FAT1: variants seen among roughly 807,000 people sequenced by gnomAD.
FAT1 encodes FAT atypical cadherin 1.
Under a neutral mutation model 329.8 loss-of-function variants are expected in FAT1, and 171 were observed. That is an observed-to-expected ratio of 0.52 (90% confidence interval 0.46 to 0.59). The LOEUF (loss-of-function observed/expected upper bound fraction) is 0.59, where lower values mean the gene tolerates loss of function less well. FAT1 is among the 20% of genes least tolerant of loss of function. The probability of loss-of-function intolerance (pLI) is 0.00; values close to 1 mark genes in which losing one functional copy is unlikely to be tolerated. For synonymous variants in FAT1, 2,233 were observed against 2,228.6 expected (o/e 1.00, Z -0.06); for missense variants, 5,672 against 5,774.4 (o/e 0.98, Z 0.57).
At chr4:186,629,336 A>G (rs1740477244) in intron 7 of FAT1, among the ~76,000 whole-genome samples, 1 of 152,210 alleles carries the variant, frequency 6.6e-6, no homozygotes, top group Non-Finnish European at 1.5e-5. Flanking sequence ...TGTAGTAAAT[A>G]TGTTTACTCC....
At position 186,613,238 on chromosome 4, in the gene FAT1, C is replaced by A. The variant is rs1178906655; in HGVS notation, c.9334G>T (p.Val3112Leu). 1 of 1,613,900 alleles carries A rather than the reference C, an allele frequency of 6.2e-7. No individual in the cohort carries two copies. Residue 3112 changes from valine (V) to leucine (L), a missense_variant, in exon 13 of 27, where the codon GTG becomes TTG. By Grantham distance (32) the Val-to-Leu change is conservative. Coordinates refer to ENST00000441802, the MANE Select transcript of FAT1 (RefSeq NM_005245.4). ...GGGRFCQASI[V>L]LTLEDVNDNA... ...TCGTTCACATCTTCTAGCGTGAGCACAATACTGGCTTGGCAGAATCTTCCT... is the reference window on the plus strand; with the variant it reads ...TCGTTCACATCTTCTAGCGTGAGCAAAATACTGGCTTGGCAGAATCTTCCT...
intron 2 of FAT1, among the ~76,000 whole-genome samples, chr4:186,701,518 G>A (rs762532449): frequency 5.9e-5 from 9 of 152,220 alleles, no homozygotes; most frequent in South Asian, 4.1e-4. Context: ...ACTCTCTGCC[G>A]GGCCTCCCAC....
chr4:186,614,202 T>C lies in FAT1; in HGVS notation c.9218A>G (p.Asn3073Ser). The C allele has an allele frequency of 6.3e-7, 1 of 1,599,730 alleles. No homozygotes were observed. The highest frequency in any genetic ancestry group is 8.5e-7 in the Non-Finnish European group (1 of 1,175,684). Residue 3073 changes from asparagine to serine, a missense_variant, in exon 12 of 27, where the codon AAT becomes AGT. Around this residue, in one of 2 missense-constraint regions of FAT1, gnomAD observed 3,966 missense variants for 3,915.2 expected, o/e 1.01. Transcript: ENST00000441802. ...LGSGAEKFKL[N>S]PDTGELKTST... ...AACTCCATCATTACCTGTGTCTGGA[T>C]TTAGTTTGAATTTTTCTGCACCTGA...
chr4:186,588,855 G>GACAT lies in FAT1; in HGVS notation c.13503_13504insATGT (p.Gln4502MetfsTer8). 6.2e-7 allele frequency: 1 copy of GACAT among 1,613,990 alleles called. No individual in the cohort carries two copies. The highest frequency in any genetic ancestry group is 8.5e-7 in the Non-Finnish European group (1 of 1,179,880). ...CTATTCTCACCAGTGCCTTTTGTTTGAGGTTCAGACATATCGAGGGGATAA... is the reference window on the plus strand; with the variant it reads ...CTATTCTCACCAGTGCCTTTTGTTTGACATAGGTTCAGACATATCGAGGGGATAA... On this transcript the variant is annotated frameshift_variant, in exon 27 of 27. Transcript: ENST00000441802. LOFTEE classifies it high-confidence loss of function.
chr4:186,667,146 T>C (rs1742481055), intron 2 of FAT1, among the ~76,000 whole-genome samples: 2 of 152,200 alleles, frequency 1.3e-5, no homozygotes, highest in East Asian at 1.9e-4. Flanking sequence ...CATCTGAGGT[T>C]TGCAATTACA....
intron 2 of FAT1, among the ~76,000 whole-genome samples, chr4:186,693,587 A>C (rs942374840): frequency 2.6e-5 from 3 of 115,844 alleles, no homozygotes; most frequent in Non-Finnish European, 5.4e-5. Context: ...CCTCGAGCTC[A>C]ACAGCAACTG....
chr4:186,652,416 A>G (rs886198618), intron 3 of FAT1, among the ~76,000 whole-genome samples: 8 of 152,230 alleles, frequency 5.3e-5, no homozygotes, highest in African/African-American at 1.9e-4. Context: ...AATTTATCAC[A>G]AAGATTCAAG....
In FAT1 at chr4:186,618,969, T is replaced by A. The variant is rs771539802; in HGVS notation, c.7617A>T (p.Arg2539Ser). 1.9e-6 allele frequency: 3 copies of A among 1,613,866 alleles called. No individual in the cohort carries two copies. The highest frequency in any genetic ancestry group is 2.7e-5 in the African/African-American group (2 of 74,940). ...YHIVNDFAKD[R>S]FYINERGQIF... ...TCTGTCCTCTCTCATTTATGTAAAA[T>A]CTGTCTTTGGCAAAGTCATTTACAA... The change falls in exon 10 of 27, where the codon AGA (arginine) becomes AGT (serine). Residue 2539 changes from arginine (R) to serine (S), a missense_variant. Around this residue, in one of 2 missense-constraint regions of FAT1, gnomAD observed 3,966 missense variants for 3,915.2 expected, o/e 1.01. Transcript: ENST00000441802.
At chr4:186,623,566 A>G (rs999465890) in intron 9 of FAT1, among the ~76,000 whole-genome samples, 1 of 152,192 alleles carries the variant, frequency 6.6e-6, no homozygotes, top group Non-Finnish European at 1.5e-5. Flanking sequence ...TTGCCGATGA[A>G]GCTTCAAATA....
intron 3 of FAT1, among the ~76,000 whole-genome samples, chr4:186,661,023 G>T (rs903069080): frequency 9.2e-5 from 14 of 152,190 alleles, no homozygotes; most frequent in African/African-American, 3.4e-4. Context: ...GAAGACACAA[G>T]AAAATTGAAA....
chr4:186,723,484 T>C (rs1561023313), intron 1 of FAT1, among the ~76,000 whole-genome samples, 180 bp downstream of exon 1: 4 of 152,136 alleles, frequency 2.6e-5, no homozygotes, highest in Non-Finnish European at 5.9e-5. Context: ...CCCTAGCCAG[T>C]GCTGAATTTC....
In FAT1 at chr4:186,706,799, A is replaced by G. The variant is rs762688063; in HGVS notation, c.3029T>C (p.Val1010Ala). 1.1e-5 allele frequency: 18 copies of G among 1,613,834 alleles called. No individual in the cohort carries two copies. Among genetic ancestry groups the G allele is most frequent in the Middle Eastern group, 1.6e-4 (1 of 6,084 alleles). The stretch of plus-strand genomic sequence containing the variant: ...AACATAGCAAGTAGAAGACAGAGAA[A>G]CTGGCTTTCCCTTGTCTTTGGCCCT... ...TVRAKDKGKP[V>A]SLSSTCYVEV... Residue 1010 changes from valine to alanine, a missense_variant, in exon 2 of 27, where the codon GTT becomes GCT. Physicochemically the swap from Val to Ala is moderately conservative, Grantham distance 64. Transcript: ENST00000441802.
At chr4:186,696,236 T>C (rs939911269) in intron 2 of FAT1, among the ~76,000 whole-genome samples, 1 of 152,244 alleles carries the variant, frequency 6.6e-6, no homozygotes, top group Non-Finnish European at 1.5e-5. Flanking sequence ...ATGTTCATAC[T>C]TTCCTAATCA....
chr4:186,688,466 G>T (rs1743584105), intron 2 of FAT1, among the ~76,000 whole-genome samples: 1 of 152,162 alleles, frequency 6.6e-6, no homozygotes, highest in South Asian at 2.1e-4. Flanking sequence ...ATCCCCTGCA[G>T]TGAGATGGCC....
chr4:186,604,589 A>C lies in FAT1; in HGVS notation c.10351-15T>G, dbSNP rs1163392230. ...GGCTTATTTTCCTGCACAAGATTAG[A>C]AACAAAATTAAACAAAAATCCTGGA... On this transcript the variant is annotated splice_polypyrimidine_tract_variant and intron_variant, in intron 17 of 26. Coordinates refer to ENST00000441802, the MANE Select transcript of FAT1 (RefSeq NM_005245.4). The C allele has an allele frequency of 4.5e-6, 7 of 1,560,674 alleles. No individual in the cohort carries two copies. Among genetic ancestry groups the C allele is most frequent in the Non-Finnish European group, 6.1e-6 (7 of 1,148,038 alleles).
chr4:186,650,622 G>C (rs1472911001), intron 3 of FAT1, among the ~76,000 whole-genome samples: 2 of 152,232 alleles, frequency 1.3e-5, no homozygotes, highest in Admixed American at 6.5e-5. Context: ...TGCTCACCCT[G>C]TGTTTACCCA....
At chr4:186,649,494 T>C (rs1709914996) in intron 3 of FAT1, among the ~76,000 whole-genome samples, 1 of 152,164 alleles carries the variant, frequency 6.6e-6, no homozygotes, top group African/African-American at 2.4e-5. Context: ...CTTGGATTTA[T>C]GGTGGACCCT....
At position 186,606,707 on chromosome 4, in the gene FAT1, T is replaced by A. The variant is rs565255954; in HGVS notation, c.10207-494A>T. Reference sequence around the variant, plus strand: ...ATCACCCTCCCCCTCAATTTCACACTCGGATTATACTCAGCTGTCTAAATC... The same window carrying A: ...ATCACCCTCCCCCTCAATTTCACACACGGATTATACTCAGCTGTCTAAATC... On this transcript the variant is annotated intron_variant, in intron 16 of 26. Coordinates refer to ENST00000441802, the MANE Select transcript of FAT1 (RefSeq NM_005245.4). Among the ~76,000 whole-genome samples, 6 of 152,192 alleles carry A rather than the reference T, an allele frequency of 3.9e-5. No homozygotes were observed. In the East Asian group the frequency reaches 1.2e-3, roughly 29 times the overall value.
chr4:186,660,482 C>A (rs1374429565), intron 3 of FAT1, among the ~76,000 whole-genome samples: 2 of 152,178 alleles, frequency 1.3e-5, no homozygotes, highest in Non-Finnish European at 2.9e-5. Flanking sequence ...TAACATACTT[C>A]ACAACAAATA....
Sources: allele counts gnomAD v4.1 joint callset (sites outside exome capture counted in the v4.1 genomes callset), GRCh38; gene constraint gnomAD v4.1.1; regional missense constraint gnomAD v4.1.1; transcripts MANE v1.5; gene names NCBI Gene and HGNC (gene_info 2026-07-23, HGNC 2026-07-21).